Variants in DCLK1 observed in about 807,000 individuals in gnomAD.
The protein encoded by DCLK1 is doublecortin like kinase 1, also known as serine/threonine-protein kinase DCLK1.
A neutral mutation model predicts 86.2 loss-of-function variants in DCLK1; 16 were observed. The observed-to-expected ratio is 0.19, with a 90% CI of 0.13 to 0.28. The LOEUF (loss-of-function observed/expected upper bound fraction) is 0.28, where lower values mean the gene tolerates loss of function less well. Ranked by LOEUF, DCLK1 falls within the 10% of genes least tolerant of loss-of-function variation. DCLK1 has a pLI of 1.00. For missense variants in DCLK1, 590 were observed against 940.2 expected (o/e 0.63, Z 4.87); for synonymous variants, 369 against 370.5 (o/e 1.00, Z 0.05).
In DCLK1 at chr13:35,999,258, C is replaced by A. The variant is rs111382409; in HGVS notation, c.724-51801G>T. ...CAACAGAGCAAGAATCTGTCTCAAA[C>A]AAAAAAAAAAAATTCCCAAATAAGT... On this transcript the variant is annotated intron_variant, in intron 3 of 16. Transcript: ENST00000360631. 4.7e-3 allele frequency among the ~76,000 whole-genome samples: 546 copies of A among 115,228 alleles called. 3 individuals are homozygous for A. Among genetic ancestry groups the A allele is most frequent in the African/African-American group, 0.012 (424 of 33,956 alleles). 75.6% of individuals were successfully genotyped at this position (115,228 alleles called of 152,430 possible).
At chr13:35,920,541 T>A (rs909383772) in intron 4 of DCLK1, among the ~76,000 whole-genome samples, 1 of 152,000 alleles carries the variant, frequency 6.6e-6, no homozygotes, top group Non-Finnish European at 1.5e-5. Flanking sequence ...ATGAGCCAAG[T>A]GAAGGAAAAT....
chr13:35,930,636 AAAAC>A (rs1476455573), intron 4 of DCLK1, among the ~76,000 whole-genome samples: 2 of 152,132 alleles, frequency 1.3e-5, no homozygotes, highest in African/African-American at 4.8e-5. Context: ...AAAAACAAAA[AAAAC>A]AAAGCAAAAA....
intron 5 of DCLK1, among the ~76,000 whole-genome samples, chr13:35,863,686 T>C (rs1387910262): frequency 2.6e-5 from 4 of 152,188 alleles, no homozygotes; most frequent in Non-Finnish European, 4.4e-5. Context: ...ATAGACTGTA[T>C]AAGGCTGAAT....
intron 3 of DCLK1, among the ~76,000 whole-genome samples, chr13:36,051,729 A>T (rs1883130144): frequency 6.6e-6 from 1 of 152,186 alleles, no homozygotes; most frequent in African/African-American, 2.4e-5. Flanking sequence ...GTGAAAAATC[A>T]AAGTAAAGTT....
chr13:35,848,496 G>A, intron 6 of DCLK1: 2 of 985,286 alleles, frequency 2.0e-6, no homozygotes, highest in South Asian at 4.7e-5. Flanking sequence ...ATTAAATGCT[G>A]TGGAAAGCAC....
intron 3 of DCLK1, among the ~76,000 whole-genome samples, chr13:36,100,065 G>A (rs1049113355): frequency 9.9e-5 from 15 of 151,352 alleles, no homozygotes; most frequent in East Asian, 1.9e-4. Flanking sequence ...ACGATTGGCC[G>A]GGCATGGTGG....
intron 3 of DCLK1, among the ~76,000 whole-genome samples, chr13:36,048,988 A>G (rs550933901): frequency 6.6e-6 from 1 of 151,922 alleles, no homozygotes; most frequent in Non-Finnish European, 1.5e-5. Context: ...GTAATTTCCT[A>G]CCCATGATGA....
intron 1 of DCLK1, among the ~76,000 whole-genome samples, chr13:36,130,333 ACT>A (rs1332782936): frequency 6.6e-6 from 1 of 152,084 alleles, no homozygotes; most frequent in Non-Finnish European, 1.5e-5. Flanking sequence ...GCCTGGACAC[ACT>A]CACAGGTGCA....
At chr13:35,864,805 A>G (rs12429789) in intron 5 of DCLK1, among the ~76,000 whole-genome samples, 31,301 of 151,626 alleles carry the variant, frequency 0.21, 3,786 homozygotes, top group Admixed American at 0.32. Flanking sequence ...GGTGTGCACC[A>G]TTACACCCAG....
chr13:36,007,904 G>A (rs1881056902), intron 3 of DCLK1, among the ~76,000 whole-genome samples: 1 of 151,974 alleles, frequency 6.6e-6, no homozygotes. Context: ...TGACTTCTAA[G>A]AAGTTAGGGA....
intron 5 of DCLK1, among the ~76,000 whole-genome samples, chr13:35,870,519 A>G (rs1468864665): frequency 6.6e-6 from 1 of 152,240 alleles, no homozygotes; most frequent in Admixed American, 6.5e-5. Context: ...TCACTTTGAC[A>G]TTTGCATCGT....
chr13:35,828,742 C>T (rs1868696421), intron 8 of DCLK1, among the ~76,000 whole-genome samples: 1 of 152,188 alleles, frequency 6.6e-6, no homozygotes. Context: ...CTTCCCTCCC[C>T]TTCCCTCCGA....
chr13:36,090,933 C>T (rs1884801695), intron 3 of DCLK1, among the ~76,000 whole-genome samples: 2 of 152,280 alleles, frequency 1.3e-5, no homozygotes, highest in South Asian at 4.1e-4. Flanking sequence ...TCCTTGGGCA[C>T]ATAGCCCATG....
At chr13:35,958,270 TTAC>T (rs372765366) in intron 3 of DCLK1, among the ~76,000 whole-genome samples, 516 of 3,896 alleles carry the variant, frequency 0.13, 120 homozygotes, top group African/African-American at 0.31. Context: ...ACTATAACCA[TTAC>T]CACCATCACT....
At chr13:35,837,287 A>G (rs1720121343) in intron 7 of DCLK1, among the ~76,000 whole-genome samples, 1 of 152,332 alleles carries the variant, frequency 6.6e-6, no homozygotes, top group East Asian at 1.9e-4. Context: ...AAATTTCTGG[A>G]AAGCGTTGAA....
intron 4 of DCLK1, among the ~76,000 whole-genome samples, chr13:35,903,636 T>G (rs1874508520): frequency 6.7e-6 from 1 of 148,236 alleles, no homozygotes; most frequent in East Asian, 2.0e-4. Context: ...AGCTAAAAAA[T>G]GTTGAAGGCT....
Position 35,772,063 on chromosome 13 carries a change from A to G in DCLK1, c.*2472T>C, listed in dbSNP as rs572274589. The G allele has an allele frequency of 5.3e-5, 8 of 152,336 alleles. No homozygotes were observed. The South Asian group carries it at 1.2e-3, about 24-fold the overall frequency. 9.4% of individuals were successfully genotyped at this position (152,336 alleles called of 1,614,324 possible). Reference sequence around the variant, plus strand: ...ATCTTGGTAGCTTAATGTTAGAAAGATTGCATTCCATCTGATTACTCAAGA... The same window carrying G: ...ATCTTGGTAGCTTAATGTTAGAAAGGTTGCATTCCATCTGATTACTCAAGA... On this transcript the variant is annotated 3_prime_UTR_variant, in exon 17 of 17. Transcript: ENST00000360631.
chr13:35,797,931 G>A (rs1053047363), intron 15 of DCLK1, among the ~76,000 whole-genome samples: 1 of 152,108 alleles, frequency 6.6e-6, no homozygotes, highest in Non-Finnish European at 1.5e-5. Context: ...TGCCAAAAAT[G>A]TGCTACGAAT....
intron 3 of DCLK1, among the ~76,000 whole-genome samples, chr13:35,983,658 A>G (rs1005661153): frequency 1.1e-4 from 17 of 152,244 alleles, no homozygotes; most frequent in African/African-American, 4.1e-4. Flanking sequence ...GGGAATGGAT[A>G]CCCCATTCTC....
Sources: allele counts gnomAD v4.1 joint callset (sites outside exome capture counted in the v4.1 genomes callset), GRCh38; gene constraint gnomAD v4.1.1; transcripts MANE v1.5; gene names NCBI Gene and HGNC (gene_info 2026-07-23, HGNC 2026-07-21).